The following MACROD2 variants were observed in gnomAD, a reference collection of about 807,000 sequenced individuals.
MACROD2 encodes ADP-ribose glycohydrolase MACROD2.
Under a neutral mutation model 70.4 loss-of-function variants are expected in MACROD2, and 36 were observed. That is an observed-to-expected ratio of 0.51 (90% CI 0.39 to 0.68). The LOEUF (loss-of-function observed/expected upper bound fraction) is 0.68. Ranked by LOEUF, MACROD2 falls within the 30% of genes least tolerant of loss-of-function variation. MACROD2 has a pLI of 0.00. For missense variants in MACROD2, 496 were observed against 538.4 expected, an observed-to-expected ratio of 0.92 and a Z score of 0.78; for synonymous variants, 172 against 178.8, an observed-to-expected ratio of 0.96 and a Z score of 0.30.
At chr20:14,868,838 T>C (rs2073456462) in intron 5 of MACROD2, among the ~76,000 whole-genome samples, 1 of 152,152 alleles carries the variant, frequency 6.6e-6, no homozygotes, top group Non-Finnish European at 1.5e-5. Flanking sequence ...ACTGTATGTA[T>C]TGCCATATTG....
At chr20:14,941,380 C>G (rs527385427) in intron 5 of MACROD2, among the ~76,000 whole-genome samples, 65 of 152,206 alleles carry the variant, frequency 4.3e-4, no homozygotes, top group African/African-American at 1.4e-3. Context: ...ACTGATGCTT[C>G]CTGTGGCTTG....
intron 15 of MACROD2, among the ~76,000 whole-genome samples, chr20:16,003,082 CCACACACACACACACA>C (rs55989530): frequency 1.9e-5 from 1 of 53,038 alleles, no homozygotes; most frequent in African/African-American, 6.1e-5. Context: ...ACCCACCCAC[CCACACACACACACACA>C]CACACACACA....
At chr20:14,370,439 T>C (rs1293452141) in intron 3 of MACROD2, among the ~76,000 whole-genome samples, 1 of 152,186 alleles carries the variant, frequency 6.6e-6, no homozygotes, top group Non-Finnish European at 1.5e-5. Context: ...ATAAAATATT[T>C]CTTTTATCCT....
At chr20:15,179,439 T>C (rs952986423) in intron 5 of MACROD2, among the ~76,000 whole-genome samples, 6 of 152,164 alleles carry the variant, frequency 3.9e-5, no homozygotes, top group Admixed American at 1.3e-4. Context: ...TGTCTGCACC[T>C]GAACCCAAGT....
intron 3 of MACROD2, among the ~76,000 whole-genome samples, chr20:14,276,615 C>G (rs1002713803): frequency 4.6e-5 from 7 of 151,708 alleles, no homozygotes; most frequent in Non-Finnish European, 8.8e-5. Context: ...TACCCTAAAA[C>G]TTAAAGTATA....
In MACROD2 at chr20:15,948,070, G is replaced by A. The variant is rs541960196; in HGVS notation, c.907+10526G>A. 2.6e-5 allele frequency among the ~76,000 whole-genome samples: 4 copies of A among 152,134 alleles called. No homozygotes were observed. In the South Asian group the frequency reaches 6.2e-4, roughly 24 times the overall value. ...AGCACTTGGGTTTTCCTGTTGAGAG[G>A]GGGGACTGAGAGACAGGACTAGCTG... is the stretch of plus-strand genomic sequence containing the variant. On this transcript the variant is annotated intron_variant, in intron 12 of 17. Coordinates refer to ENST00000684519, the MANE Select transcript of MACROD2 (RefSeq NM_001351661.2).
rs1945483519 is a variant in MACROD2 at position 15,933,181 on chromosome 20, G to T, written c.776-95G>T. The T allele has an allele frequency of 1.1e-5, 13 of 1,212,386 alleles. No homozygotes were observed. The Admixed American group carries it at 2.0e-4, about 19-fold the overall frequency. The allele number at this position is 1,212,386 out of a possible 1,614,324, so 75.1% of individuals were successfully genotyped here. A position where few individuals can be genotyped will look rare whatever the true frequency, so the allele number is the denominator to read the frequency against. ...GCTTTATGGGGAGTCATGCTACATTGGTTACAATTAATTTCAGTGCTGCAT... is the reference window on the plus strand; with the variant it reads ...GCTTTATGGGGAGTCATGCTACATTTGTTACAATTAATTTCAGTGCTGCAT... On this transcript the variant is annotated intron_variant, in intron 10 of 17. Coordinates refer to ENST00000684519, the MANE Select transcript of MACROD2 (RefSeq NM_001351661.2).
At chr20:15,340,169 G>A (rs2078095216) in intron 6 of MACROD2, among the ~76,000 whole-genome samples, 1 of 105,340 alleles carries the variant, frequency 9.5e-6, no homozygotes, top group South Asian at 3.3e-4. Flanking sequence ...GATGGAGTCT[G>A]GCTCTGTCAC....
chr20:15,875,538 C>T (rs1313876188), intron 9 of MACROD2, among the ~76,000 whole-genome samples: 1 of 151,890 alleles, frequency 6.6e-6, no homozygotes, highest in Non-Finnish European at 1.5e-5. Context: ...ACTTGATGGG[C>T]CTCAAAAGCT....
chr20:14,405,749 T>C (rs947914228), intron 3 of MACROD2, among the ~76,000 whole-genome samples: 3 of 152,196 alleles, frequency 2.0e-5, no homozygotes, highest in African/African-American at 4.8e-5. Context: ...CAGTCTCAGA[T>C]CTTGTATTTC....
chr20:15,828,873 C>T (rs2064025135), intron 8 of MACROD2, among the ~76,000 whole-genome samples: 1 of 152,176 alleles, frequency 6.6e-6, no homozygotes. Context: ...ATGCTTTAAT[C>T]TCAGGACATC....
rs60302342 is a variant in MACROD2, at chr20:14,726,858, A to G, written c.418+41899A>G. 8.1e-3 allele frequency among the ~76,000 whole-genome samples: 1,226 copies of G among 152,282 alleles called. 14 individuals carry two copies. The highest frequency in any genetic ancestry group is 0.028 in the African/African-American group (1,159 of 41,546). ...GATCTTATCCCTGACTATATGAATT[A>G]CTTGGAAAAAATCACACACATGATG... On this transcript the variant is annotated intron_variant, in intron 5 of 17. Coordinates refer to ENST00000684519, the MANE Select transcript of MACROD2 (RefSeq NM_001351661.2).
intron 8 of MACROD2, among the ~76,000 whole-genome samples, chr20:15,543,600 TAA>T (rs11087138): frequency 4.4e-4 from 65 of 146,868 alleles, no homozygotes; most frequent in African/African-American, 1.3e-3. Flanking sequence ...AACCTCCTCT[TAA>T]AAAAAAAAAA....
At position 15,939,323 on chromosome 20, in the gene MACROD2, G is replaced by A. The variant is rs756394323; in HGVS notation, c.907+1779G>A. On this transcript the variant is annotated intron_variant, in intron 12 of 17. Coordinates refer to ENST00000684519, the MANE Select transcript of MACROD2 (RefSeq NM_001351661.2). Reference sequence around the variant, plus strand: ...AGGACAGGCTGGCTCTCTTGTTAGGGGCTAATGCAGCTGGCAACTTTAAGT... The same window carrying A: ...AGGACAGGCTGGCTCTCTTGTTAGGAGCTAATGCAGCTGGCAACTTTAAGT... 2.0e-5 allele frequency among the ~76,000 whole-genome samples: 3 copies of A among 152,196 alleles called. No homozygotes were observed. The East Asian group carries it at 5.8e-4, about 29-fold the overall frequency.
chr20:15,135,792 A>G (rs1240887827), intron 5 of MACROD2, among the ~76,000 whole-genome samples: 3 of 140,680 alleles, frequency 2.1e-5, no homozygotes, highest in African/African-American at 8.0e-5. Context: ...TTTGCAGATG[A>G]CATGATTGTA....
intron 5 of MACROD2, among the ~76,000 whole-genome samples, chr20:15,016,297 G>C (rs555761143): frequency 1.3e-5 from 2 of 152,024 alleles, no homozygotes; most frequent in African/African-American, 2.4e-5. Context: ...ATCACTTCTC[G>C]GTCTAGATGA....
intron 6 of MACROD2, among the ~76,000 whole-genome samples, chr20:15,351,966 G>A (rs2078232187): frequency 6.6e-6 from 1 of 152,172 alleles, no homozygotes; most frequent in Admixed American, 6.5e-5. Flanking sequence ...TTAGTGCAGT[G>A]AAAATGGTCT....
intron 6 of MACROD2, among the ~76,000 whole-genome samples, chr20:15,295,595 TCA>T (rs3223712): frequency 0.29 from 42,916 of 147,808 alleles, 6,271 homozygotes; most frequent in Non-Finnish European, 0.33. Context: ...ATGTCTGTCA[TCA>T]CACACACACA....
chr20:14,950,266 T>C (rs1219111912), intron 5 of MACROD2, among the ~76,000 whole-genome samples: 1 of 152,158 alleles, frequency 6.6e-6, no homozygotes, highest in African/African-American at 2.4e-5. Flanking sequence ...TTCAGACTCA[T>C]GCTGTCTTGC....
Sources: gnomAD v4.1 joint callset for allele counts (sites outside exome capture counted in the v4.1 genomes callset) on GRCh38, gnomAD v4.1.1 for gene constraint, MANE v1.5 for transcripts, NCBI Gene and HGNC (gene_info 2026-07-23, HGNC 2026-07-21) for gene names.